Variants in GPR39 observed in about 807,000 individuals in gnomAD.
GPR39 encodes the protein G protein-coupled receptor 39, also known as zinc sensing receptor.
GPR39 carries 23 observed loss-of-function variants against 18.4 expected under a neutral mutation model. That is an observed-to-expected ratio of 1.25 (90% CI 0.90 to 1.77). The LOEUF is 1.77. GPR39 is among the 40% of genes most tolerant of loss of function. The pLI, the probability that GPR39 is intolerant of heterozygous loss-of-function variation, is 0.00. For missense variants in GPR39, 647 were observed against 602.4 expected (o/e 1.07, Z -0.78); for synonymous variants, 280 against 257.9 (o/e 1.09, Z -0.82).
Position 132,508,346 on chromosome 2 carries a change from C to T in GPR39, c.856+90448C>T, listed in dbSNP as rs112137200. Among the ~76,000 whole-genome samples the T allele has an allele frequency of 2.9e-3, 446 of 152,256 alleles. 4 individuals carry two copies. The highest frequency in any genetic ancestry group is 9.8e-3 in the African/African-American group (409 of 41,550). ...TTCAGAAGACTCTCAACCCCCTTCT[C>T]TCCTGAGGCCCAACATTAAACACTA... On this transcript the variant is annotated intron_variant, in intron 1 of 1. Transcript: ENST00000329321.
intron 1 of GPR39, among the ~76,000 whole-genome samples, chr2:132,458,044 C>T (rs1253975521): frequency 6.6e-6 from 1 of 152,344 alleles, no homozygotes; most frequent in African/African-American, 2.4e-5. Context: ...GTCACGGCTT[C>T]CCTTGGCTAG....
intron 1 of GPR39, among the ~76,000 whole-genome samples, chr2:132,585,468 C>T (rs750041403): frequency 4.6e-5 from 7 of 152,222 alleles, no homozygotes; most frequent in Non-Finnish European, 1.0e-4. Flanking sequence ...CCGTCCCCTC[C>T]CCGCTTCTCC....
chr2:132,560,797 G>A (rs1306425662), intron 1 of GPR39, among the ~76,000 whole-genome samples: 2 of 152,122 alleles, frequency 1.3e-5, no homozygotes, highest in African/African-American at 2.4e-5. Flanking sequence ...TGGGAAGTGA[G>A]CCACTCTTTC....
At chr2:132,509,508 C>T (rs1472117768) in intron 1 of GPR39, among the ~76,000 whole-genome samples, 2 of 152,146 alleles carry the variant, frequency 1.3e-5, no homozygotes, top group East Asian at 3.8e-4. Context: ...AACTTAGGAG[C>T]TATGAATACA....
intron 1 of GPR39, among the ~76,000 whole-genome samples, chr2:132,438,726 T>C (rs1183891359): frequency 6.6e-6 from 1 of 152,124 alleles, no homozygotes; most frequent in African/African-American, 2.4e-5. Flanking sequence ...AGTCTCAAAG[T>C]ATACAATCCT....
intron 1 of GPR39, among the ~76,000 whole-genome samples, chr2:132,616,945 G>T (rs150790404): frequency 2.0e-5 from 3 of 152,178 alleles, no homozygotes; most frequent in Admixed American, 1.3e-4. Context: ...AGAAGTTTCT[G>T]TACACAAACA....
intron 1 of GPR39, among the ~76,000 whole-genome samples, chr2:132,589,045 A>G (rs1016626797): frequency 6.6e-6 from 1 of 152,214 alleles, no homozygotes; most frequent in Non-Finnish European, 1.5e-5. Context: ...CAAGTTGATC[A>G]TATTTTTAAA....
At chr2:132,498,912 G>A (rs1425104272) in intron 1 of GPR39, among the ~76,000 whole-genome samples, 2 of 152,054 alleles carry the variant, frequency 1.3e-5, no homozygotes, top group Non-Finnish European at 2.9e-5. Context: ...TGATGGGATT[G>A]TTCTTTTTTT....
chr2:132,451,001 T>G (rs4488723), intron 1 of GPR39, among the ~76,000 whole-genome samples: 79,178 of 151,954 alleles, frequency 0.52, 21,980 homozygotes, highest in Non-Finnish European at 0.62. Context: ...CAAAGGTGGA[T>G]GCCAGAGGAA....
chr2:132,442,655 CAAAT>C (rs1680461065), intron 1 of GPR39, among the ~76,000 whole-genome samples: 1 of 152,202 alleles, frequency 6.6e-6, no homozygotes, highest in African/African-American at 2.4e-5. Flanking sequence ...GAAGAGAAAA[CAAAT>C]GAATTACCTT....
At chr2:132,423,554 G>T (rs991902224) in intron 1 of GPR39, among the ~76,000 whole-genome samples, 5 of 152,032 alleles carry the variant, frequency 3.3e-5, no homozygotes, top group African/African-American at 9.7e-5. Context: ...CCCCCATGCT[G>T]CCTGTGTATG....
chr2:132,505,597 C>T (rs181541861), intron 1 of GPR39, among the ~76,000 whole-genome samples: 12 of 152,276 alleles, frequency 7.9e-5, no homozygotes, highest in African/African-American at 2.9e-4. Flanking sequence ...ATTCTACTCT[C>T]TACATTCATA....
At chr2:132,457,365 G>T (rs953738118) in intron 1 of GPR39, among the ~76,000 whole-genome samples, 6 of 152,082 alleles carry the variant, frequency 3.9e-5, no homozygotes, top group Admixed American at 6.6e-5. Context: ...CTGTTTATTC[G>T]AGTTAACCAT....
chr2:132,495,110 G>A (rs1034808680), intron 1 of GPR39, among the ~76,000 whole-genome samples: 14 of 152,194 alleles, frequency 9.2e-5, no homozygotes, highest in African/African-American at 3.4e-4. Context: ...AGAAGAGCAT[G>A]TGCTGTCATG....
intron 1 of GPR39, among the ~76,000 whole-genome samples, chr2:132,572,981 GAAGA>G (rs1034021738): frequency 2.6e-5 from 4 of 152,182 alleles, no homozygotes; most frequent in Non-Finnish European, 4.4e-5. Context: ...TTTATTACCA[GAAGA>G]AAGAATGCTG....
At chr2:132,464,762 C>T (rs1373777265) in intron 1 of GPR39, among the ~76,000 whole-genome samples, 1 of 152,160 alleles carries the variant, frequency 6.6e-6, no homozygotes, top group Non-Finnish European at 1.5e-5. Flanking sequence ...AAATTGTAGT[C>T]AAGAGTACAA....
At chr2:132,493,079 A>ATATACCAT (rs1488248895) in intron 1 of GPR39, among the ~76,000 whole-genome samples, 3 of 143,356 alleles carry the variant, frequency 2.1e-5, no homozygotes, top group African/African-American at 7.7e-5. Context: ...TATACCACAT[A>ATATACCAT]TATACCATAT....
At chr2:132,513,741 C>T (rs1361275716) in intron 1 of GPR39, among the ~76,000 whole-genome samples, 1 of 152,148 alleles carries the variant, frequency 6.6e-6, no homozygotes, top group Non-Finnish European at 1.5e-5. Context: ...TAGATGGGGT[C>T]ACTCTGGCCC....
At chr2:132,456,227 G>A (rs543296878) in intron 1 of GPR39, among the ~76,000 whole-genome samples, 1 of 151,674 alleles carries the variant, frequency 6.6e-6, no homozygotes, top group Non-Finnish European at 1.5e-5. Flanking sequence ...TTACCATTAT[G>A]TAATGGCCTT....
Sources: gnomAD v4.1 joint callset for allele counts (sites outside exome capture counted in the v4.1 genomes callset) on GRCh38, gnomAD v4.1.1 for gene constraint, MANE v1.5 for transcripts, NCBI Gene and HGNC (gene_info 2026-07-23, HGNC 2026-07-21) for gene names.